Variants in NFATC3 observed in about 807,000 individuals in gnomAD.
The protein encoded by NFATC3 is nuclear factor of activated T-cells, cytoplasmic 3.
In NFATC3, 46 loss-of-function variants were observed where a neutral mutation model predicts 98.6. The ratio of observed to expected loss-of-function variants is 0.47; its 90% CI spans 0.37 to 0.60. NFATC3 has a LOEUF of 0.60. NFATC3 is among the 20% of genes least tolerant of loss of function. The pLI is 0.00. For missense variants in NFATC3, 1,256 were observed against 1,295.5 expected (o/e 0.97, Z 0.47); for synonymous variants, 512 against 472.2 (o/e 1.08, Z -1.09).
Position 68,122,785 on chromosome 16 carries a change from C to T in NFATC3, c.902C>T (p.Pro301Leu). The change falls in exon 2 of 10, where the codon CCC becomes CTC. Residue 301 changes from proline (P) to leucine (L), a missense_variant. This residue lies in a region of NFATC3 where 464 missense variants were observed against 465.7 expected (regional missense o/e 1.00). Coordinates refer to ENST00000346183, the MANE Select transcript of NFATC3 (RefSeq NM_173165.3). ...CCTGTTCCTTCACCTGGTCACTCCCCCAGGGGAAGTGTGACAGAAGATACG... is the reference window on the plus strand; with the variant it reads ...CCTGTTCCTTCACCTGGTCACTCCCTCAGGGGAAGTGTGACAGAAGATACG... ...HSPVPSPGHS[P>L]RGSVTEDTWL... 6.2e-7 allele frequency: 1 copy of T among 1,614,242 alleles called. No individual in the cohort carries two copies. The highest frequency in any genetic ancestry group is 8.5e-7 in the Non-Finnish European group (1 of 1,180,046).
At chr16:68,211,418 C>T (rs555049747) in intron 9 of NFATC3, among the ~76,000 whole-genome samples, 1 of 151,850 alleles carries the variant, frequency 6.6e-6, no homozygotes, top group Non-Finnish European at 1.5e-5. Flanking sequence ...TATCTCCTGA[C>T]CTTGTGATCC....
intron 1 of NFATC3, among the ~76,000 whole-genome samples, chr16:68,087,143 G>A (rs1252831576): frequency 1.3e-5 from 2 of 152,092 alleles, no homozygotes; most frequent in Non-Finnish European, 2.9e-5. Context: ...CTAGATTATC[G>A]GGACTTGAAA....
chr16:68,121,977 C>A lies in NFATC3; in HGVS notation c.104-10C>A. 1 of 1,516,170 alleles carries A rather than the reference C, an allele frequency of 6.6e-7. No individual in the cohort carries two copies. Among genetic ancestry groups the A allele is most frequent in the Non-Finnish European group, 8.8e-7 (1 of 1,135,938 alleles). 93.9% of individuals were successfully genotyped at this position (1,516,170 alleles called of 1,614,324 possible). On this transcript the variant is annotated splice_polypyrimidine_tract_variant and intron_variant, in intron 1 of 9. Coordinates refer to ENST00000346183, the MANE Select transcript of NFATC3 (RefSeq NM_173165.3). ...GTTGGGTTTTTTTTTTTTTGCCTTC[C>A]TCCCCGTAGATCTTGAGCCAGATGA...
At chr16:68,176,569 A>G (rs1245885917) in intron 6 of NFATC3, among the ~76,000 whole-genome samples, 1 of 152,200 alleles carries the variant, frequency 6.6e-6, no homozygotes, top group Non-Finnish European at 1.5e-5. Flanking sequence ...TGTACCTGGT[A>G]GGCATAGGCA....
chr16:68,122,915 T>C lies in NFATC3; in HGVS notation c.1032T>C (p.Ser344=). The part of the protein sequence containing the change: ...TDIPLKTRKT[S]EDQAAILPGK... ...TCCCTCTCAAAACAAGGAAAACTTC[T>C]GAAGATCAAGCTGCCATACTACCAG... The change falls in exon 2 of 10, where the codon TCT becomes TCC. Residue 344 remains serine (S), a synonymous_variant. Transcript: ENST00000346183. The C allele has an allele frequency of 6.2e-7, 1 of 1,614,206 alleles. No homozygotes were observed. The highest frequency in any genetic ancestry group is 8.5e-7 in the Non-Finnish European group (1 of 1,180,036).
At chr16:68,131,847 C>T (rs1302548134) in intron 3 of NFATC3, among the ~76,000 whole-genome samples, 2 of 152,094 alleles carry the variant, frequency 1.3e-5, no homozygotes, top group African/African-American at 4.8e-5. Context: ...ATGCCTTTCT[C>T]TCTCTCTCTG....
chr16:68,099,205 C>CGGT, intron 1 of NFATC3, among the ~76,000 whole-genome samples: 1 of 152,022 alleles, frequency 6.6e-6, no homozygotes, highest in Non-Finnish European at 1.5e-5. Context: ...AGGCTGAGGC[C>CGGT]GGTGGATCAC....
At chr16:68,195,809 AAAAAT>A (rs751246372) in intron 9 of NFATC3, among the ~76,000 whole-genome samples, 10 of 152,306 alleles carry the variant, frequency 6.6e-5, no homozygotes, top group East Asian at 1.9e-4. Context: ...CTCCGTCTCA[AAAAAT>A]AAAATAAAAT....
chr16:68,101,434 G>A (rs1417043773), intron 1 of NFATC3, among the ~76,000 whole-genome samples: 5 of 151,532 alleles, frequency 3.3e-5, no homozygotes, highest in Non-Finnish European at 7.4e-5. Flanking sequence ...GTGAGCTACT[G>A]TGCCTGGCTG....
chr16:68,208,945 TCTTC>T (rs2041262196), intron 9 of NFATC3, among the ~76,000 whole-genome samples: 1 of 152,194 alleles, frequency 6.6e-6, no homozygotes, highest in Admixed American at 6.5e-5. Context: ...TAATTTTCTC[TCTTC>T]CTTTTTAATT....
chr16:68,156,130 G>A (rs2038601282), intron 3 of NFATC3, among the ~76,000 whole-genome samples: 1 of 152,010 alleles, frequency 6.6e-6, no homozygotes, highest in South Asian at 2.1e-4. Context: ...GGCCAACATG[G>A]TGAAATCTCG....
At chr16:68,196,100 AATTT>A (rs1235813804) in intron 9 of NFATC3, among the ~76,000 whole-genome samples, 1 of 152,012 alleles carries the variant, frequency 6.6e-6, no homozygotes, top group Non-Finnish European at 1.5e-5. Flanking sequence ...TTTGATGCTT[AATTT>A]AAGCTCCAAA....
chr16:68,114,636 G>A (rs1346959555), intron 1 of NFATC3, among the ~76,000 whole-genome samples: 1 of 149,472 alleles, frequency 6.7e-6, no homozygotes, highest in Non-Finnish European at 1.5e-5. Context: ...GTGCTGTGGT[G>A]CAATCTTGGC....
At chr16:68,136,901 A>T (rs1251171490) in intron 3 of NFATC3, among the ~76,000 whole-genome samples, 1 of 152,156 alleles carries the variant, frequency 6.6e-6, no homozygotes, top group African/African-American at 2.4e-5. Context: ...ACTTAAGAAA[A>T]TATGGTATAA....
At chr16:68,099,219 A>AG (rs2035206618) in intron 1 of NFATC3, among the ~76,000 whole-genome samples, 1 of 152,172 alleles carries the variant, frequency 6.6e-6, no homozygotes, top group South Asian at 2.1e-4. Flanking sequence ...GGATCACCTG[A>AG]GGTCAGGAGT....
intron 9 of NFATC3, chr16:68,200,312 G>A (rs1332679945): frequency 2.0e-5 from 3 of 151,914 alleles, no homozygotes; most frequent in Non-Finnish European, 4.4e-5. Context: ...TATCAGTATG[G>A]CCTGAGGTCA....
At chr16:68,124,598 C>T (rs1053559082) in intron 2 of NFATC3, among the ~76,000 whole-genome samples, 53 of 152,118 alleles carry the variant, frequency 3.5e-4, no homozygotes, top group African/African-American at 1.2e-3. Context: ...CCACGCCCGG[C>T]TAATTTTTGT....
intron 3 of NFATC3, among the ~76,000 whole-genome samples, chr16:68,145,600 G>A (rs568062834): frequency 3.7e-4 from 56 of 152,236 alleles, no homozygotes; most frequent in African/African-American, 1.3e-3. Context: ...CTTATGCTGA[G>A]TGGAAAAAAG....
intron 1 of NFATC3, among the ~76,000 whole-genome samples, 165 bp from the exon 2 acceptor site, chr16:68,121,820 AAC>A (rs550417920): frequency 5.0e-4 from 76 of 152,322 alleles, no homozygotes; most frequent in African/African-American, 1.8e-3. Flanking sequence ...GCATTGAAAA[AAC>A]ACACACATGC....
Sources: gnomAD v4.1 joint callset for allele counts (sites outside exome capture counted in the v4.1 genomes callset) on GRCh38, gnomAD v4.1.1 for gene constraint, gnomAD v4.1.1 regional missense constraint, MANE v1.5 for transcripts, NCBI Gene and HGNC (gene_info 2026-07-23, HGNC 2026-07-21) for gene names.